Variants in TRPM5 observed in about 807,000 individuals in gnomAD.
TRPM5 encodes transient receptor potential cation channel subfamily M member 5.
Under a neutral mutation model 124.9 loss-of-function variants are expected in TRPM5, and 121 were observed. The ratio of observed to expected loss-of-function variants is 0.97; its 90% CI spans 0.84 to 1.13. TRPM5 has a LOEUF of 1.13. Among genes scored for constraint, TRPM5 ranks in the 50% most tolerant of loss-of-function variants. The probability of loss-of-function intolerance (pLI) is 0.00; values close to 1 mark genes in which losing one functional copy is unlikely to be tolerated. For synonymous variants in TRPM5, 781 were observed against 700.5 expected (o/e 1.11, Z -1.81); for missense variants, 1,643 against 1,589.1 (o/e 1.03, Z -0.58).
rs767841740 is a variant in TRPM5, at chr11:2,421,135, C to T, written c.362G>A (p.Arg121His). 23 of 1,542,838 alleles carry T rather than the reference C, an allele frequency of 1.5e-5. 1 individual carries two copies. Among genetic ancestry groups the T allele is most frequent in the South Asian group, 1.2e-4 (10 of 83,928 alleles). The change falls in exon 3 of 24, where the codon CGC becomes CAC. Residue 121 changes from arginine to histidine, a missense_variant. By Grantham distance (29) the Arg-to-His change is conservative. Transcript: ENST00000155858. Reference sequence around the variant, plus strand: ...GGACGTGCTGGCCAGCGAGTGGTCGCGCACGGCCTGCCCGACATGCCTGGC... The same window carrying T: ...GGACGTGCTGGCCAGCGAGTGGTCGTGCACGGCCTGCCCGACATGCCTGGC...
At chr11:2,419,871 C>T (rs185779297) in intron 4 of TRPM5, among the ~76,000 whole-genome samples, 12 of 152,318 alleles carry the variant, frequency 7.9e-5, no homozygotes, top group Admixed American at 7.8e-4. Context: ...GGGAAGTAGC[C>T]CTCTTTCAAC....
At chr11:2,414,007 T>TCGGG in intron 12 of TRPM5, 54 bp downstream of exon 17, 5 of 1,072,594 alleles carry the variant, frequency 4.7e-6, no homozygotes, top group East Asian at 2.7e-5. Flanking sequence ...TGGGCCCAGC[T>TCGGG]CGCCCGCCCA....
chr11:2,430,717 TGGTTTTGGTGGC>T, the TRPM5 span, among the ~76,000 whole-genome samples: 1 of 148,594 alleles, frequency 6.7e-6, no homozygotes, highest in Non-Finnish European at 1.5e-5. Flanking sequence ...GTGTTGGTGG[TGGTTTTGGTGGC>T]GGTGATGGTG....
exon 14 of TRPM5, chr11:2,413,175 G>A: frequency 6.4e-7 from 1 of 1,552,728 alleles, no homozygotes; most frequent in Non-Finnish European, 8.7e-7. Flanking sequence ...CCGTGTCCAG[G>A]CTGTCCAGGT....
upstream of TRPM5, among the ~76,000 whole-genome samples, chr11:2,424,093 G>A (rs769233484): frequency 6.6e-6 from 1 of 152,220 alleles, no homozygotes; most frequent in East Asian, 1.9e-4. Context: ...GTCCGACCTG[G>A]GGCTACCTGG....
intron 10 of TRPM5, 32 bp from the exon 16 acceptor site, chr11:2,414,870 C>G: frequency 6.3e-7 from 1 of 1,592,436 alleles, no homozygotes; most frequent in Non-Finnish European, 8.5e-7. Flanking sequence ...GGCCGCCCCT[C>G]CCCTGCCCCC....
chr11:2,426,956 C>A (rs1248525075), upstream of TRPM5, among the ~76,000 whole-genome samples: 2 of 152,244 alleles, frequency 1.3e-5, no homozygotes, highest in Non-Finnish European at 2.9e-5. Flanking sequence ...CTGCCCCACT[C>A]CCTTCGCCCT....
At chr11:2,411,234 C>T (rs1004381512) in intron 18 of TRPM5, 118 bp downstream of exon 23, 15 of 1,254,516 alleles carry the variant, frequency 1.2e-5, no homozygotes, top group Middle Eastern at 2.5e-4. Context: ...CCCATCTCTG[C>T]TCCAGGCTGG....
chr11:2,415,564 G>A, intron 8 of TRPM5, 93 bp from the exon 14 acceptor site: 3 of 895,152 alleles, frequency 3.4e-6, no homozygotes, highest in Non-Finnish European at 5.0e-6. Flanking sequence ...CAGGGAGCAT[G>A]GGGATCCATC....
At chr11:2,410,933 G>T (rs1850432668) in intron 18 of TRPM5, among the ~76,000 whole-genome samples, 1 of 152,176 alleles carries the variant, frequency 6.6e-6, no homozygotes, top group South Asian at 2.1e-4. Flanking sequence ...AGGAGAGCTG[G>T]AGGGCCCAGA....
intron 13 of TRPM5, 95 bp downstream of exon 18, chr11:2,413,381 C>G (rs1850493925): frequency 7.5e-7 from 1 of 1,339,864 alleles, no homozygotes. Context: ...CAGAGTCAGG[C>G]TACCACCAGC....
the TRPM5 span, among the ~76,000 whole-genome samples, chr11:2,439,374 A>G: frequency 6.6e-6 from 1 of 152,240 alleles, no homozygotes; most frequent in African/African-American, 2.4e-5. Context: ...AGAAACTATC[A>G]ACAGAGTAAA....
At chr11:2,436,793 G>A in the TRPM5 span, among the ~76,000 whole-genome samples, 1 of 152,382 alleles carries the variant, frequency 6.6e-6, no homozygotes, top group South Asian at 2.1e-4. Context: ...CTGGGCCCAG[G>A]TGGGAATCTG....
At chr11:2,424,762 A>G (rs1290222587), upstream of TRPM5, among the ~76,000 whole-genome samples, 2 of 152,158 alleles carry the variant, frequency 1.3e-5, no homozygotes, top group African/African-American at 4.8e-5. Flanking sequence ...ACCATGAGAG[A>G]ATCAATTGCC....
At chr11:2,404,847 G>T (rs1487202826) in exon 24 of TRPM5, 3 of 1,100,144 alleles carry the variant, frequency 2.7e-6, no homozygotes, top group African/African-American at 1.5e-5. Flanking sequence ...CCCCCTGGGG[G>T]GTTCCGCTGG....
intron 1 of TRPM5, 98 bp downstream of exon 6, chr11:2,422,822 G>T (rs1845791209): frequency 7.6e-6 from 8 of 1,046,858 alleles, no homozygotes; most frequent in Middle Eastern, 2.0e-4. Context: ...CCCCAGGGGT[G>T]AGGAGGACCC....
chr11:2,438,431 G>A, the TRPM5 span, among the ~76,000 whole-genome samples: 2 of 152,210 alleles, frequency 1.3e-5, no homozygotes, highest in Non-Finnish European at 2.9e-5. This position sits in a 1 kb window ranked among gnomAD's most constrained non-coding sequence, Gnocchi z 5.9. Context: ...TTGGGAGGCT[G>A]AAGCGAGCGG....
chr11:2,411,641 C>T, exon 17 of TRPM5: 1 of 1,612,578 alleles, frequency 6.2e-7, no homozygotes, highest in Non-Finnish European at 8.5e-7. Context: ...TCACCATGCG[C>T]TCTACCACGA....
the TRPM5 span, among the ~76,000 whole-genome samples, chr11:2,436,736 G>A: frequency 2.0e-5 from 3 of 152,354 alleles, no homozygotes; most frequent in East Asian, 1.9e-4. Flanking sequence ...TCCAAGAATC[G>A]ATGCTGTGTC....
Sources: allele counts gnomAD v4.1 joint callset (sites outside exome capture counted in the v4.1 genomes callset), GRCh38; gene constraint gnomAD v4.1.1; non-coding constraint Gnocchi (gnomAD v3.1); transcripts MANE v1.5; gene names NCBI Gene and HGNC (gene_info 2026-07-23, HGNC 2026-07-21).